The following DOT1L variants were observed in gnomAD, a reference collection of about 807,000 sequenced individuals.
DOT1L encodes the protein DOT1 like histone lysine methyltransferase.
In DOT1L, 33 loss-of-function variants were observed where a neutral mutation model predicts 153.3. The observed-to-expected ratio is 0.22, with a 90% CI of 0.16 to 0.29. The LOEUF (loss-of-function observed/expected upper bound fraction) is 0.29, where lower values mean the gene tolerates loss of function less well. DOT1L is among the 10% of genes least tolerant of loss of function. The pLI, the probability that DOT1L is intolerant of heterozygous loss-of-function variation, is 1.00. For missense variants in DOT1L, 1,847 were observed against 2,119.9 expected (o/e 0.87, Z 2.53); for synonymous variants, 1,135 against 965.1 (o/e 1.18, Z -3.26).
At chr19:2,199,984 A>C (rs372609602) in intron 8 of DOT1L, 45 bp downstream of exon 8, 4 of 1,605,610 alleles carry the variant, frequency 2.5e-6, no homozygotes, top group Middle Eastern at 3.3e-4. Context: ...GTGTGCGCTC[A>C]CAGGCGGGCG....
chr19:2,195,461 C>T (rs1047956458), intron 7 of DOT1L, among the ~76,000 whole-genome samples: 2 of 152,120 alleles, frequency 1.3e-5, no homozygotes, highest in African/African-American at 2.4e-5. Context: ...CAGACCTCCC[C>T]GCCCTTATGG....
intron 3 of DOT1L, among the ~76,000 whole-genome samples, chr19:2,189,250 A>G (rs1296893846): frequency 6.6e-6 from 1 of 151,488 alleles, no homozygotes; most frequent in East Asian, 1.9e-4. Context: ...TGCAGTGCTC[A>G]CTCCTCCTGC....
rs181244828 is a variant in DOT1L, at chr19:2,207,732, G to A, written c.963+52G>A. 10 of 1,486,098 alleles carry A rather than the reference G, an allele frequency of 6.7e-6. No individual in the cohort carries two copies. Among genetic ancestry groups the A allele is most frequent in the African/African-American group, 1.4e-5 (1 of 72,072 alleles). 92.1% of individuals were successfully genotyped at this position (1,486,098 alleles called of 1,614,324 possible). On this transcript the variant is annotated intron_variant, in intron 11 of 27. Coordinates refer to ENST00000398665, the MANE Select transcript of DOT1L (RefSeq NM_032482.3). This position sits in a 1 kb window ranked among gnomAD's most constrained non-coding sequence, Gnocchi z 4.5. ...CAGGGCCGTCCTGGTCTTCCACCCC[G>A]CCCACGTCACACTGCTCTCTCCTTT...
chr19:2,178,512 G>A (rs1218124637), intron 1 of DOT1L, among the ~76,000 whole-genome samples: 2 of 151,038 alleles, frequency 1.3e-5, no homozygotes, highest in East Asian at 1.9e-4. Flanking sequence ...CCGCTTCCCG[G>A]GTTCACGCCA....
intron 26 of DOT1L, among the ~76,000 whole-genome samples, chr19:2,225,781 G>A (rs1483852667): frequency 6.6e-6 from 1 of 152,234 alleles, no homozygotes; most frequent in African/African-American, 2.4e-5. Flanking sequence ...CCTTCCCCCC[G>A]AGTGGTGCCT....
intron 22 of DOT1L, 118 bp downstream of exon 22, chr19:2,218,036 A>G (rs1353854645): frequency 6.3e-6 from 9 of 1,424,184 alleles, no homozygotes; most frequent in Non-Finnish European, 8.5e-6. Flanking sequence ...GCGTGAGGCA[A>G]TGCAGTCAAG....
Position 2,220,380 on chromosome 19 carries a change from C to A in DOT1L, c.2806+158C>A, listed in dbSNP as rs761578393. On this transcript the variant is annotated intron_variant, in intron 23 of 27. Transcript: ENST00000398665. The surrounding 1 kb of genome is among the most constrained non-coding windows in gnomAD (Gnocchi z 4.5). Reference sequence around the variant, plus strand: ...GCCTCATTACTGACACCCTTTCCTGCATCCCACGAGCTGGGATGCGGATCG... The same window carrying A: ...GCCTCATTACTGACACCCTTTCCTGAATCCCACGAGCTGGGATGCGGATCG... The A allele has an allele frequency of 6.5e-6, 5 of 764,756 alleles. No homozygotes were observed. The South Asian group carries it at 7.3e-5, about 11-fold the overall frequency. 47.4% of individuals were successfully genotyped at this position (764,756 alleles called of 1,614,324 possible).
chr19:2,202,626 G>A, intron 8 of DOT1L, 74 bp from the exon 9 acceptor site: 1 of 1,471,786 alleles, frequency 6.8e-7, no homozygotes, highest in Non-Finnish European at 9.5e-7. Context: ...GACAGCAGCG[G>A]TTGTTGGCTG....
At chr19:2,168,560 T>G (rs2032415126) in intron 1 of DOT1L, among the ~76,000 whole-genome samples, 1 of 152,274 alleles carries the variant, frequency 6.6e-6, no homozygotes, top group Non-Finnish European at 1.5e-5. Flanking sequence ...AGGGAGATTT[T>G]TATTCTTACA....
At position 2,172,155 on chromosome 19, in the gene DOT1L, C is replaced by G. The variant is rs376083037; in HGVS notation, c.81+7890C>G. Among the ~76,000 whole-genome samples, 212 of 152,070 alleles carry G rather than the reference C, an allele frequency of 1.4e-3. 1 individual carries two copies. The highest frequency in any genetic ancestry group is 5.0e-3 in the African/African-American group (207 of 41,500). ...TTCTGCACAGCATGCAGCTCCCACT[C>G]CTCGGACGCACTTTTCTTTTTTGTT... On this transcript the variant is annotated intron_variant, in intron 1 of 27. Transcript: ENST00000398665.
rs542677825 is a variant in DOT1L at position 2,205,686 on chromosome 19, C to T, written c.788-1043C>T. On this transcript the variant is annotated intron_variant, in intron 9 of 27. Transcript: ENST00000398665. ...GGTTTGCTCTTCCTGCCTCTCAAACCTTAGTTTTTTGTTTTGTTTTTTTTT... is the reference window on the plus strand; with the variant it reads ...GGTTTGCTCTTCCTGCCTCTCAAACTTTAGTTTTTTGTTTTGTTTTTTTTT... Among the ~76,000 whole-genome samples, 102 of 152,108 alleles carry T rather than the reference C, an allele frequency of 6.7e-4. No homozygotes were observed. In the Middle Eastern group the frequency reaches 0.01, roughly 15 times the overall value.
At position 2,206,711 on chromosome 19, in the gene DOT1L, G is replaced by T; in HGVS notation, c.788-18G>T. Reference sequence around the variant, plus strand: ...TTTCCTCTCTCCTGTGTGGCAGTAAGCAGTGTCTGTGTTTCAGGTGGCAGA... The same window carrying T: ...TTTCCTCTCTCCTGTGTGGCAGTAATCAGTGTCTGTGTTTCAGGTGGCAGA... On this transcript the variant is annotated intron_variant, in intron 9 of 27. Coordinates refer to ENST00000398665, the MANE Select transcript of DOT1L (RefSeq NM_032482.3). 6.2e-7 allele frequency: 1 copy of T among 1,613,496 alleles called. No homozygotes were observed. Among genetic ancestry groups the T allele is most frequent in the Non-Finnish European group, 8.5e-7 (1 of 1,179,588 alleles).
intron 1 of DOT1L, 59 bp downstream of exon 1, chr19:2,164,324 G>A (rs2019824121): frequency 1.7e-6 from 2 of 1,191,274 alleles, no homozygotes; most frequent in East Asian, 3.2e-5. Flanking sequence ...CCGCCCCTGG[G>A]GACACCCCAA....
rs773254391 is a variant in DOT1L at position 2,216,366 on chromosome 19, C to T, written c.2009C>T (p.Ser670Phe). Residue 670 changes from serine to phenylalanine, a missense_variant, in exon 20 of 28, where the codon TCC (serine) becomes TTC (phenylalanine). Physicochemically the swap from Ser to Phe is radical, Grantham distance 155. Coordinates refer to ENST00000398665, the MANE Select transcript of DOT1L (RefSeq NM_032482.3). ...KSCVPPDDAL[S>F]LHLRGKGALG... Reference sequence around the variant, plus strand: ...TGTGTGCCGCCTGACGACGCCCTGTCCCTGCACCTGCGTGGGAAGGGCGCC... The same window carrying T: ...TGTGTGCCGCCTGACGACGCCCTGTTCCTGCACCTGCGTGGGAAGGGCGCC... 1.2e-6 allele frequency: 2 copies of T among 1,612,314 alleles called. No homozygotes were observed. The highest frequency in any genetic ancestry group is 2.2e-5 in the East Asian group (1 of 44,872).
At position 2,206,375 on chromosome 19, in the gene DOT1L, G is replaced by A. The variant is rs117438547; in HGVS notation, c.788-354G>A. ...GAGTTCCAGACAAGCCTGGCCAGCAGGGTGAAACCCGCTCTCTACTAAAAA... is the reference window on the plus strand; with the variant it reads ...GAGTTCCAGACAAGCCTGGCCAGCAAGGTGAAACCCGCTCTCTACTAAAAA... On this transcript the variant is annotated intron_variant, in intron 9 of 27. Transcript: ENST00000398665. Among the ~76,000 whole-genome samples the A allele has an allele frequency of 7.8e-3, 1,192 of 152,072 alleles. 13 individuals are homozygous for A. The highest frequency in any genetic ancestry group is 0.011 in the Non-Finnish European group (758 of 67,968).
At chr19:2,192,506 C>T (rs2022838345) in intron 5 of DOT1L, among the ~76,000 whole-genome samples, 1 of 152,106 alleles carries the variant, frequency 6.6e-6, no homozygotes, top group South Asian at 2.1e-4. Context: ...AACTTTCCCT[C>T]TACTAAAAGT....
In DOT1L at chr19:2,212,423, A is replaced by G. The variant is rs555212468; in HGVS notation, c.1557+581A>G. On this transcript the variant is annotated intron_variant, in intron 16 of 27. Transcript: ENST00000398665. Reference sequence around the variant, plus strand: ...GTGATCCTCCCGCCTCGGACTCCCAAAGTGCTGGGATTACAGGCATGAGCC... The same window carrying G: ...GTGATCCTCCCGCCTCGGACTCCCAGAGTGCTGGGATTACAGGCATGAGCC... 5 of 152,476 alleles carry G rather than the reference A, an allele frequency of 3.3e-5. No individual in the cohort carries two copies. The East Asian group carries it at 9.7e-4, about 29-fold the overall frequency. 9.4% of individuals were successfully genotyped at this position (152,476 alleles called of 1,614,324 possible). A position where few individuals can be genotyped will look rare whatever the true frequency, so the allele number is the denominator to read the frequency against.
chr19:2,222,458 C>T lies in DOT1L; in HGVS notation c.3289C>T (p.Pro1097Ser), dbSNP rs767333580. The change falls in exon 24 of 28, where the codon CCC becomes TCC. Residue 1097 changes from proline (P) to serine (S), a missense_variant. Around this residue, in one of 8 missense-constraint regions of DOT1L, gnomAD observed 934 missense variants for 825.3 expected, o/e 1.13. Coordinates refer to ENST00000398665, the MANE Select transcript of DOT1L (RefSeq NM_032482.3). This position sits in a 1 kb window ranked among gnomAD's most constrained non-coding sequence, Gnocchi z 6.5. ...GCGGAAGCGAGCATCTGCGGGGACGCCCAGCTTGAGCGCAGGCGTGTCCCC... is the reference window on the plus strand; with the variant it reads ...GCGGAAGCGAGCATCTGCGGGGACGTCCAGCTTGAGCGCAGGCGTGTCCCC... ...GRRKRASAGT[P>S]SLSAGVSPKR... 5 of 1,607,190 alleles carry T rather than the reference C, an allele frequency of 3.1e-6. No homozygotes were observed. The highest frequency in any genetic ancestry group is 2.7e-5 in the African/African-American group (2 of 74,884).
rs1234625248 is a variant in DOT1L, at chr19:2,231,162, CCTCCCTGGAGGA to C, written c.*1371_*1382del. Reference sequence around the variant, plus strand: ...TGTCTGAGCAGTGGTGGCTCTGTGCCCTCCCTGGAGGATGGGATCTGGGAGTCTGAGCTCCCC... The same window carrying C: ...TGTCTGAGCAGTGGTGGCTCTGTGCCTGGGATCTGGGAGTCTGAGCTCCCC... On this transcript the variant is annotated 3_prime_UTR_variant, in exon 28 of 28. Transcript: ENST00000398665. The C allele has an allele frequency of 4.4e-6, 1 of 227,650 alleles. No homozygotes were observed. Among genetic ancestry groups the C allele is most frequent in the Admixed American group, 5.7e-5 (1 of 17,572 alleles). The allele number at this position is 227,650 out of a possible 1,614,324, so 14.1% of individuals were successfully genotyped here.
Sources: allele counts gnomAD v4.1 joint callset (sites outside exome capture counted in the v4.1 genomes callset), GRCh38; gene constraint gnomAD v4.1.1; regional missense constraint gnomAD v4.1.1; non-coding constraint Gnocchi (gnomAD v3.1); transcripts MANE v1.5; gene names NCBI Gene and HGNC (gene_info 2026-07-23, HGNC 2026-07-21).